Variants in SGMS1 observed in about 807,000 individuals in gnomAD.
SGMS1 encodes the protein phosphatidylcholine:ceramide cholinephosphotransferase 1.
A neutral mutation model predicts 46.2 loss-of-function variants in SGMS1; 13 were observed. That is an observed-to-expected ratio of 0.28 (90% CI 0.18 to 0.45). The LOEUF (loss-of-function observed/expected upper bound fraction) is 0.45, where lower values mean the gene tolerates loss of function less well. SGMS1 is among the 20% of genes least tolerant of loss of function. The pLI is 1.00. For missense variants in SGMS1, 324 were observed against 519.9 expected, an observed-to-expected ratio of 0.62 and a Z score of 3.66; for synonymous variants, 203 against 187.8, an observed-to-expected ratio of 1.08 and a Z score of -0.66.
At chr10:50,443,829 T>C (rs1389346612) in intron 5 of SGMS1, among the ~76,000 whole-genome samples, 1 of 152,098 alleles carries the variant, frequency 6.6e-6, no homozygotes, top group Admixed American at 6.6e-5. Flanking sequence ...TTGTGACATA[T>C]ATAGATATAA....
At position 50,548,318 on chromosome 10, in the gene SGMS1, A is replaced by C. The variant is rs554376297; in HGVS notation, c.-588-28397T>G. Among the ~76,000 whole-genome samples the C allele has an allele frequency of 3.3e-5, 5 of 152,354 alleles. No individual in the cohort carries two copies. In the East Asian group the frequency reaches 7.7e-4, roughly 23 times the overall value. ...CTACCCAACTTCAAACTATACTACC[A>C]GGCTACAATAACCAAAACAGCATGG... On this transcript the variant is annotated intron_variant, in intron 2 of 10. Coordinates refer to ENST00000361781, the MANE Select transcript of SGMS1 (RefSeq NM_147156.4).
intron 6 of SGMS1, among the ~76,000 whole-genome samples, chr10:50,415,662 G>A (rs1189493104): frequency 6.6e-6 from 1 of 152,132 alleles, no homozygotes; most frequent in African/African-American, 2.4e-5. Context: ...TTATTCTCTT[G>A]TATGATGATA....
chr10:50,471,065 A>C (rs1037831698), intron 3 of SGMS1, among the ~76,000 whole-genome samples: 7 of 152,354 alleles, frequency 4.6e-5, no homozygotes, highest in Admixed American at 3.9e-4. Flanking sequence ...TTACTAAAAA[A>C]AGATGATAAA....
chr10:50,417,229 C>G (rs1411210434), intron 6 of SGMS1, among the ~76,000 whole-genome samples: 1 of 152,152 alleles, frequency 6.6e-6, no homozygotes, highest in Admixed American at 6.5e-5. Context: ...CATCATACAA[C>G]TGCACTAATT....
In SGMS1 at chr10:50,343,957, G is replaced by A. The variant is rs1213561573; in HGVS notation, c.158C>T (p.Ser53Phe). ...CAGGAGCCGCTGCCCATTGTCAGAGGAGACTCGGCACAAGGGGGGTTTTTT... is the reference window on the plus strand; with the variant it reads ...CAGGAGCCGCTGCCCATTGTCAGAGAAGACTCGGCACAAGGGGGGTTTTTT... ...DFKKPPLCRV[S>F]SDNGQRLLDM... is the part of the protein sequence containing the mutation. The change falls in exon 7 of 11, where the codon TCC (serine) becomes TTC (phenylalanine). Residue 53 changes from serine (S) to phenylalanine (F), a missense_variant. Around this residue, in one of 2 missense-constraint regions of SGMS1, gnomAD observed 150 missense variants for 169.8 expected, o/e 0.88. Transcript: ENST00000361781. The A allele has an allele frequency of 2.5e-6, 4 of 1,614,024 alleles. No individual in the cohort carries two copies. Among genetic ancestry groups the A allele is most frequent in the Non-Finnish European group, 3.4e-6 (4 of 1,180,034 alleles).
chr10:50,399,168 G>GT (rs1848894305), intron 6 of SGMS1, among the ~76,000 whole-genome samples: 2 of 152,260 alleles, frequency 1.3e-5, no homozygotes, highest in South Asian at 4.1e-4. Flanking sequence ...CAGTAAGTTG[G>GT]TTTTTTAAAT....
chr10:50,311,138 G>C, intron 9 of SGMS1, 124 bp downstream of exon 9: 1 of 1,142,344 alleles, frequency 8.8e-7, no homozygotes, highest in Non-Finnish European at 1.2e-6. Flanking sequence ...AGATGAAGCT[G>C]CAAGCCTCCT....
intron 2 of SGMS1, among the ~76,000 whole-genome samples, chr10:50,586,685 G>T (rs1216139318): frequency 6.6e-6 from 1 of 152,216 alleles, no homozygotes; most frequent in Non-Finnish European, 1.5e-5. Flanking sequence ...AGGAAGAGCA[G>T]CAGGAATCAG....
chr10:50,343,332 C>T (rs915977627), intron 7 of SGMS1, 160 bp downstream of exon 7: 3 of 728,510 alleles, frequency 4.1e-6, no homozygotes, highest in African/African-American at 1.8e-5. Context: ...TTAAAGCTTC[C>T]AGACAGTAAG....
intron 6 of SGMS1, among the ~76,000 whole-genome samples, chr10:50,369,272 A>G (rs1457602684): frequency 6.6e-6 from 1 of 152,210 alleles, no homozygotes; most frequent in East Asian, 1.9e-4. Context: ...CCAAAGCAGG[A>G]GTATTGTTTG....
chr10:50,379,571 T>C (rs892515057), intron 6 of SGMS1, among the ~76,000 whole-genome samples: 2 of 152,128 alleles, frequency 1.3e-5, no homozygotes, highest in African/African-American at 4.8e-5. Context: ...TATACATGAT[T>C]TATAAATAAT....
At chr10:50,399,709 CA>C (rs748212992) in intron 6 of SGMS1, among the ~76,000 whole-genome samples, 2 of 152,078 alleles carry the variant, frequency 1.3e-5, no homozygotes, top group South Asian at 2.1e-4. Flanking sequence ...AGAAAAGGGT[CA>C]GGGGGAGAGA....
chr10:50,310,648 T>C (rs1847239522), intron 9 of SGMS1, among the ~76,000 whole-genome samples: 1 of 152,242 alleles, frequency 6.6e-6, no homozygotes, highest in Non-Finnish European at 1.5e-5. Flanking sequence ...AAAAGGGTTA[T>C]CTGAATTAAA....
At chr10:50,392,338 G>C (rs899129920) in intron 6 of SGMS1, among the ~76,000 whole-genome samples, 1 of 152,134 alleles carries the variant, frequency 6.6e-6, no homozygotes, top group South Asian at 2.1e-4. Context: ...TCCATTTAGA[G>C]AGTCTTAATC....
intron 2 of SGMS1, among the ~76,000 whole-genome samples, chr10:50,571,009 A>G (rs1838332362): frequency 6.6e-6 from 1 of 152,204 alleles, no homozygotes; most frequent in Non-Finnish European, 1.5e-5. Flanking sequence ...AAAGAAACTG[A>G]TTCTACCCAT....
At position 50,344,301 on chromosome 10, in the gene SGMS1, C is replaced by T. The variant is rs1454471229; in HGVS notation, c.-187G>A. On this transcript the variant is annotated 5_prime_UTR_variant, in exon 7 of 11. Coordinates refer to ENST00000361781, the MANE Select transcript of SGMS1 (RefSeq NM_147156.4). ...CATGTAGCTGTCCAGGGTTCCTGAG[C>T]GCCCAAGTATTAATTCACCTCATTT... The T allele has an allele frequency of 1.3e-5, 8 of 599,026 alleles. No homozygotes were observed. The highest frequency in any genetic ancestry group is 1.1e-4 in the African/African-American group (6 of 54,512). The allele number at this position is 599,026 out of a possible 1,614,324, so 37.1% of individuals were successfully genotyped here.
At chr10:50,414,747 A>G (rs1849145861) in intron 6 of SGMS1, among the ~76,000 whole-genome samples, 1 of 152,152 alleles carries the variant, frequency 6.6e-6, no homozygotes, top group Non-Finnish European at 1.5e-5. Context: ...AGAACGACGC[A>G]ATTATCATCT....
intron 6 of SGMS1, among the ~76,000 whole-genome samples, chr10:50,370,241 T>A (rs1848413753): frequency 6.6e-6 from 1 of 152,166 alleles, no homozygotes. Flanking sequence ...TCTTCAATAA[T>A]AAATTAACTT....
chr10:50,350,865 G>C (rs112930549), intron 6 of SGMS1, among the ~76,000 whole-genome samples: 1 of 152,172 alleles, frequency 6.6e-6, no homozygotes, highest in Admixed American at 6.5e-5. Context: ...GCAGAAGGGA[G>C]ATGTGGGGTC....
Sources: gnomAD v4.1 joint callset for allele counts (sites outside exome capture counted in the v4.1 genomes callset) on GRCh38, gnomAD v4.1.1 for gene constraint, gnomAD v4.1.1 regional missense constraint, MANE v1.5 for transcripts, NCBI Gene and HGNC (gene_info 2026-07-23, HGNC 2026-07-21) for gene names.